The following AFAP1 variants were observed in gnomAD, a reference collection of about 807,000 sequenced individuals.
The protein encoded by AFAP1 is actin filament-associated protein 1.
In AFAP1, 75 loss-of-function variants were observed where a neutral mutation model predicts 93.9. The ratio of observed to expected loss-of-function variants is 0.80; its 90% confidence interval spans 0.66 to 0.97. The LOEUF is 0.97. Among genes scored for constraint, AFAP1 ranks in the 50% least tolerant of loss-of-function variants. The pLI is 0.00. For synonymous variants in AFAP1, 517 were observed against 430.7 expected (o/e 1.20, Z -2.48); for missense variants, 1,201 against 1,050.8 (o/e 1.14, Z -1.98).
chr4:7,816,189 G>C, intron 7 of AFAP1, 90 bp from the exon 8 acceptor site: 4 of 1,122,920 alleles, frequency 3.6e-6, no homozygotes, highest in Non-Finnish European at 2.6e-6. Context: ...TCTCAAAAGT[G>C]AAAGAAAACA....
At chr4:7,839,644 T>C (rs954188301) in intron 5 of AFAP1, among the ~76,000 whole-genome samples, 5 of 152,186 alleles carry the variant, frequency 3.3e-5, no homozygotes, top group African/African-American at 4.8e-5. Flanking sequence ...TCTACACAAC[T>C]GACATTCACT....
At chr4:7,850,771 A>T (rs926229105) in intron 4 of AFAP1, among the ~76,000 whole-genome samples, 1 of 152,076 alleles carries the variant, frequency 6.6e-6, no homozygotes, top group African/African-American at 2.4e-5. Flanking sequence ...GTTTTGTACA[A>T]CTCCAGAGCC....
intron 1 of AFAP1, among the ~76,000 whole-genome samples, chr4:7,914,018 C>T (rs1039070111): frequency 1.3e-5 from 2 of 151,814 alleles, no homozygotes; most frequent in African/African-American, 2.4e-5. Context: ...GTGTTGGTAA[C>T]GTTCAATACC....
intron 6 of AFAP1, among the ~76,000 whole-genome samples, chr4:7,830,105 GAAA>G (rs35311125): frequency 6.6e-6 from 1 of 151,452 alleles, no homozygotes; most frequent in East Asian, 1.9e-4. Context: ...TGTTTAGGTG[GAAA>G]AAAAAAAACA....
chr4:7,867,661 C>A lies in AFAP1; in HGVS notation c.225+961G>T, dbSNP rs1577317693. Among the ~76,000 whole-genome samples, 3 of 152,202 alleles carry A rather than the reference C, an allele frequency of 2.0e-5. No individual in the cohort carries two copies. The East Asian group carries it at 5.8e-4, about 29-fold the overall frequency. On this transcript the variant is annotated intron_variant, in intron 3 of 17. Coordinates refer to ENST00000420658, the MANE Select transcript of AFAP1 (RefSeq NM_001134647.2). ...CTTCACTGAGCCTCAGCTTCCTTCT[C>A]TGAAAAATGGGTGTACGTACACTTC...
At chr4:7,853,529 AG>A (rs1714697085) in intron 4 of AFAP1, among the ~76,000 whole-genome samples, 1 of 152,090 alleles carries the variant, frequency 6.6e-6, no homozygotes, top group African/African-American at 2.4e-5. Context: ...GTCCTCATCC[AG>A]CTTTCTTCCC....
chr4:7,922,147 C>G (rs1044256070), intron 1 of AFAP1, among the ~76,000 whole-genome samples: 4 of 152,172 alleles, frequency 2.6e-5, no homozygotes, highest in African/African-American at 9.7e-5. Flanking sequence ...ACAGTGGTCA[C>G]AGGGCAATGA....
At chr4:7,781,855 A>G (rs1716808343) in intron 12 of AFAP1, among the ~76,000 whole-genome samples, 1 of 152,136 alleles carries the variant, frequency 6.6e-6, no homozygotes, top group African/African-American at 2.4e-5. Context: ...ATTCAAAAGG[A>G]CTTGACTTCT....
chr4:7,766,952 C>A (rs555208401), intron 17 of AFAP1, among the ~76,000 whole-genome samples: 7 of 151,858 alleles, frequency 4.6e-5, no homozygotes, highest in Non-Finnish European at 7.4e-5. Flanking sequence ...CATAGCGCTT[C>A]CCACATCCGG....
At chr4:7,899,034 T>C (rs937273234) in intron 1 of AFAP1, among the ~76,000 whole-genome samples, 64 of 151,332 alleles carry the variant, frequency 4.2e-4, no homozygotes, top group African/African-American at 1.4e-3. Flanking sequence ...TGTATATATA[T>C]ATATAAGTAA....
At chr4:7,933,253 G>A (rs1214057404) in intron 1 of AFAP1, among the ~76,000 whole-genome samples, 1 of 151,886 alleles carries the variant, frequency 6.6e-6, no homozygotes, top group South Asian at 2.1e-4. Flanking sequence ...TAACCAGGGA[G>A]GTCCAATCTA....
intron 14 of AFAP1, chr4:7,776,870 A>T (rs1322320914): frequency 6.6e-6 from 1 of 152,222 alleles, no homozygotes; most frequent in Admixed American, 6.5e-5. Context: ...ACTCAATGCA[A>T]TCACCTATAA....
chr4:7,790,951 G>A (rs1717811681), intron 11 of AFAP1, among the ~76,000 whole-genome samples: 1 of 152,158 alleles, frequency 6.6e-6, no homozygotes, highest in Non-Finnish European at 1.5e-5. Flanking sequence ...TATGTAACAT[G>A]TGGCTTGAGT....
rs565102167 is a variant in AFAP1, at chr4:7,915,641, G to A, written c.-3+24015C>T. 2.6e-5 allele frequency among the ~76,000 whole-genome samples: 4 copies of A among 152,322 alleles called. No individual in the cohort carries two copies. In the South Asian group the frequency reaches 8.3e-4, roughly 32 times the overall value. The stretch of plus-strand genomic sequence containing the variant: ...TACTTTCTAATGTGACTTTGGGAAG[G>A]TCCCTTAACCACTTTGAGCTCAACT... On this transcript the variant is annotated intron_variant, in intron 1 of 17. Transcript: ENST00000420658.
chr4:7,833,066 G>C (rs1370279742), intron 6 of AFAP1, among the ~76,000 whole-genome samples: 1 of 152,112 alleles, frequency 6.6e-6, no homozygotes, highest in African/African-American at 2.4e-5. Flanking sequence ...GATAACATCA[G>C]AAAAACCCTT....
At chr4:7,867,588 A>T (rs754894304) in intron 3 of AFAP1, among the ~76,000 whole-genome samples, 1 of 152,188 alleles carries the variant, frequency 6.6e-6, no homozygotes. Flanking sequence ...TAAATGTTGC[A>T]ATCTCTGCCC....
rs566902316 is a variant in AFAP1, at chr4:7,769,209, C to T, written c.2254-201G>A. Among the ~76,000 whole-genome samples the T allele has an allele frequency of 5.3e-5, 8 of 152,178 alleles. No individual in the cohort carries two copies. The South Asian group carries it at 6.2e-4, about 12-fold the overall frequency. On this transcript the variant is annotated intron_variant, in intron 16 of 17. Transcript: ENST00000420658. ...ATTCACGGCCGGGGGGCAGAGGCTCCGACGGGCAGGTGGAGGCTCCAAGGG... is the reference window on the plus strand; with the variant it reads ...ATTCACGGCCGGGGGGCAGAGGCTCTGACGGGCAGGTGGAGGCTCCAAGGG...
intron 1 of AFAP1, among the ~76,000 whole-genome samples, chr4:7,881,260 T>A (rs977472745): frequency 1.3e-5 from 2 of 152,104 alleles, no homozygotes; most frequent in Non-Finnish European, 2.9e-5. Context: ...TCCAACCTGC[T>A]GGCCCTCATG....
In AFAP1 at chr4:7,811,189, T is replaced by C. The variant is rs1220926881; in HGVS notation, c.905-1426A>G. On this transcript the variant is annotated intron_variant, in intron 8 of 17. Transcript: ENST00000420658. ...GCTGAGGGGACAGAGAGATTCTCAG[T>C]GTCGTGGGCAAACCCCAGCGCCCGA... Among the ~76,000 whole-genome samples the C allele has an allele frequency of 2.0e-5, 3 of 152,206 alleles. No homozygotes were observed. In the East Asian group the frequency reaches 5.8e-4, roughly 29 times the overall value.
Sources: gnomAD v4.1 joint callset for allele counts (sites outside exome capture counted in the v4.1 genomes callset) on GRCh38, gnomAD v4.1.1 for gene constraint, MANE v1.5 for transcripts, NCBI Gene and HGNC (gene_info 2026-07-23, HGNC 2026-07-21) for gene names.